Variants in MRTFA observed in about 807,000 individuals in gnomAD.
MRTFA encodes the protein myocardin-related transcription factor A.
MRTFA carries 20 observed loss-of-function variants against 83.5 expected under a neutral mutation model. That is an observed-to-expected ratio of 0.24 (90% CI 0.17 to 0.35). The LOEUF (loss-of-function observed/expected upper bound fraction) is 0.35, where lower values mean the gene tolerates loss of function less well. Among genes scored for constraint, MRTFA ranks in the 10% least tolerant of loss-of-function variants. MRTFA has a pLI of 1.00. For synonymous variants in MRTFA, 659 were observed against 541.2 expected, an observed-to-expected ratio of 1.22 and a Z score of -3.02; for missense variants, 1,200 against 1,224.7, an observed-to-expected ratio of 0.98 and a Z score of 0.30.
chr22:40,567,729 T>TGAGAC (rs1018680387), intron 2 of MRTFA, among the ~76,000 whole-genome samples: 3 of 152,196 alleles, frequency 2.0e-5, no homozygotes, highest in Non-Finnish European at 4.4e-5. Flanking sequence ...AAAAACTTGT[T>TGAGAC]GAGACAAACC....
At chr22:40,498,283 T>TATATATATATA (rs2054396173) in intron 3 of MRTFA, among the ~76,000 whole-genome samples, 1 of 97,570 alleles carries the variant, frequency 1.0e-5, no homozygotes, top group Non-Finnish European at 2.2e-5. Context: ...ATTTTTTTTT[T>TATATATATATA]TTTTTTTTTT....
intron 3 of MRTFA, among the ~76,000 whole-genome samples, chr22:40,531,754 A>G (rs572001440): frequency 4.6e-5 from 7 of 152,114 alleles, no homozygotes; most frequent in African/African-American, 1.2e-4. Context: ...TTCATTTCCT[A>G]TCATAAAGAG....
Position 40,586,969 on chromosome 22 carries a change from G to A in MRTFA, c.-22+7705C>T, listed in dbSNP as rs530177463. ...ACCGCCGCCGCTGCCTTATCCACCT[G>A]GAGTTTGTGGTTGCTGGCCTGGCAA... On this transcript the variant is annotated intron_variant, in intron 2 of 14. Transcript: ENST00000355630. The A allele has an allele frequency of 6.0e-4, 270 of 453,670 alleles. 3 individuals are homozygous for A. The highest frequency in any genetic ancestry group is 4.1e-3 in the South Asian group (257 of 62,374). The allele number at this position is 453,670 out of a possible 1,614,324, so 28.1% of individuals were successfully genotyped here.
chr22:40,604,604 G>A (rs373784841), intron 1 of MRTFA, among the ~76,000 whole-genome samples: 94 of 151,946 alleles, frequency 6.2e-4, no homozygotes, highest in African/African-American at 2.0e-3. Context: ...AAAATTAGCC[G>A]GGCGTGGTGG....
At chr22:40,464,322 A>AC (rs981285282) in intron 3 of MRTFA, among the ~76,000 whole-genome samples, 5 of 150,750 alleles carry the variant, frequency 3.3e-5, no homozygotes, top group African/African-American at 7.3e-5. Context: ...AAAAAAAAAA[A>AC]AAAAAAAAAA....
chr22:40,415,791 G>A (rs900074714), intron 14 of MRTFA, among the ~76,000 whole-genome samples: 1 of 151,904 alleles, frequency 6.6e-6, no homozygotes, highest in African/African-American at 2.4e-5. Flanking sequence ...GGCCTCTCAT[G>A]GACTTCCTGT....
rs574772669 is a variant in MRTFA at position 40,418,149 on chromosome 22, A to G, written c.2364+225T>C. On this transcript the variant is annotated intron_variant, in intron 12 of 14. Coordinates refer to ENST00000355630, the MANE Select transcript of MRTFA (RefSeq NM_020831.6). ...GGTGCCGAAATGTTCTAGTCTCAAC[A>G]GCCAGAGAGGTGGGGAGCTCACCAA... Among the ~76,000 whole-genome samples the G allele has an allele frequency of 2.6e-5, 4 of 152,338 alleles. No homozygotes were observed. In the East Asian group the frequency reaches 7.7e-4, roughly 29 times the overall value.
Position 40,428,480 on chromosome 22 carries a change from G to A in MRTFA, c.601+1126C>T, listed in dbSNP as rs181689021. On this transcript the variant is annotated intron_variant, in intron 7 of 14. Coordinates refer to ENST00000355630, the MANE Select transcript of MRTFA (RefSeq NM_020831.6). Reference sequence around the variant, plus strand: ...GTCCAAACTCCCAAGTGTGCCAAGAGGCCCTGCACGTCCTGAACTGTGCTT... The same window carrying A: ...GTCCAAACTCCCAAGTGTGCCAAGAAGCCCTGCACGTCCTGAACTGTGCTT... 1.5e-3 allele frequency among the ~76,000 whole-genome samples: 227 copies of A among 152,160 alleles called. 2 individuals carry two copies. The highest frequency in any genetic ancestry group is 2.1e-4 in the Non-Finnish European group (14 of 67,990).
chr22:40,463,039 CA>C (rs572334329), intron 4 of MRTFA, among the ~76,000 whole-genome samples, 181 bp downstream of exon 4: 89 of 152,266 alleles, frequency 5.8e-4, no homozygotes, highest in African/African-American at 1.9e-3. Flanking sequence ...TGAACTTGAT[CA>C]ATTAGTTATC....
At chr22:40,563,911 A>G (rs1194739420) in intron 2 of MRTFA, among the ~76,000 whole-genome samples, 1 of 152,212 alleles carries the variant, frequency 6.6e-6, no homozygotes, top group East Asian at 1.9e-4. Flanking sequence ...GAAAAAAGAA[A>G]TATGCGGTTG....
intron 3 of MRTFA, among the ~76,000 whole-genome samples, chr22:40,485,379 C>G (rs2054159175): frequency 6.6e-6 from 1 of 152,132 alleles, no homozygotes; most frequent in African/African-American, 2.4e-5. Flanking sequence ...CGATGCTTCT[C>G]CTGGGCATGA....
intron 2 of MRTFA, among the ~76,000 whole-genome samples, chr22:40,570,577 C>CCAAAAAAA (rs1366723006): frequency 8.6e-5 from 2 of 23,152 alleles, no homozygotes; most frequent in African/African-American, 2.0e-4. Context: ...GACTCTGTCT[C>CCAAAAAAA]AAAAAAAAAA....
chr22:40,411,618 G>C lies in MRTFA; in HGVS notation c.2868C>G (p.His956Gln). Residue 956 changes from histidine (H) to glutamine (Q), a missense_variant, in exon 15 of 15, where the codon CAC becomes CAG. His to Gln is a conservative substitution (Grantham distance 24, BLOSUM62 0). Coordinates refer to ENST00000355630, the MANE Select transcript of MRTFA (RefSeq NM_020831.6). ...CCGAGGTGTCCATGGGTGACGGGGGGTGGTCCAGGATGGCAGTGCTGCTCA... is the reference window on the plus strand; with the variant it reads ...CCGAGGTGTCCATGGGTGACGGGGGCTGGTCCAGGATGGCAGTGCTGCTCA... The C allele has an allele frequency of 1.2e-6, 2 of 1,613,700 alleles. No homozygotes were observed. Among genetic ancestry groups the C allele is most frequent in the African/African-American group, 2.7e-5 (2 of 75,064 alleles).
At chr22:40,419,536 AC>A in intron 11 of MRTFA, 152 bp from the exon 12 acceptor site, 1 of 669,574 alleles carries the variant, frequency 1.5e-6, no homozygotes, top group East Asian at 2.7e-5. Context: ...GCCCCCCACC[AC>A]CTGAGCCAAC....
chr22:40,474,403 C>T lies in MRTFA; in HGVS notation c.242-11117G>A, dbSNP rs183395167. ...ATATTAATATACAGTCAATTGTTTA[C>T]GATGCTAAAACTCTTTGAAAAGTAG... is the stretch of plus-strand genomic sequence containing the variant. On this transcript the variant is annotated intron_variant, in intron 3 of 14. Transcript: ENST00000355630. 2.1e-3 allele frequency among the ~76,000 whole-genome samples: 327 copies of T among 152,254 alleles called. 1 individual carries two copies. Among genetic ancestry groups the T allele is most frequent in the Non-Finnish European group, 3.4e-3 (232 of 68,030 alleles).
chr22:40,566,486 C>T (rs1569331676), intron 2 of MRTFA, among the ~76,000 whole-genome samples: 3 of 152,030 alleles, frequency 2.0e-5, no homozygotes, highest in Non-Finnish European at 2.9e-5. Context: ...TCCCAAAGTG[C>T]TGGGATTACA....
intron 13 of MRTFA, 39 bp downstream of exon 13, chr22:40,417,302 A>G: frequency 6.3e-7 from 1 of 1,596,754 alleles, no homozygotes; most frequent in Non-Finnish European, 8.5e-7. Context: ...AGCCTAGGGC[A>G]GCTGCCAACA....
intron 2 of MRTFA, among the ~76,000 whole-genome samples, chr22:40,585,634 A>G (rs2056016956): frequency 6.6e-6 from 1 of 152,222 alleles, no homozygotes; most frequent in South Asian, 2.1e-4. Context: ...CAACATGACC[A>G]GAATAACATT....
chr22:40,518,858 C>CT (rs2054809583), intron 3 of MRTFA, among the ~76,000 whole-genome samples: 1 of 148,372 alleles, frequency 6.7e-6, no homozygotes. Flanking sequence ...ACTGTAAACT[C>CT]TAAGTGTTAG....
Sources: allele counts gnomAD v4.1 joint callset (sites outside exome capture counted in the v4.1 genomes callset), GRCh38; gene constraint gnomAD v4.1.1; transcripts MANE v1.5; gene names NCBI Gene and HGNC (gene_info 2026-07-23, HGNC 2026-07-21).